Variants in ACSS3 observed in about 807,000 individuals in gnomAD.
ACSS3 encodes the protein acyl-CoA synthetase short chain family member 3, also known as acyl-CoA synthetase short-chain family member 3, mitochondrial.
Under a neutral mutation model 84.2 loss-of-function variants are expected in ACSS3, and 64 were observed. The observed-to-expected ratio is 0.76, with a 90% confidence interval of 0.62 to 0.94. ACSS3 has a LOEUF of 0.94. Ranked by LOEUF, ACSS3 falls within the 40% of genes least tolerant of loss-of-function variation. ACSS3 has a pLI of 0.00. For synonymous variants in ACSS3, 317 were observed against 310.1 expected (o/e 1.02, Z -0.23); for missense variants, 815 against 867.6 (o/e 0.94, Z 0.76).
chr12:81,233,248 A>G, intron 12 of ACSS3, 101 bp from the exon 13 acceptor site: 1 of 1,361,100 alleles, frequency 7.3e-7, no homozygotes. Context: ...AAATGTTCAC[A>G]GTAAATCCAT....
intron 1 of ACSS3, among the ~76,000 whole-genome samples, chr12:81,079,025 C>T (rs1045825220): frequency 3.3e-5 from 5 of 152,044 alleles, no homozygotes; most frequent in African/African-American, 1.2e-4. Flanking sequence ...GAGTCAGGGG[C>T]TGGGTCCGGA....
rs10862275 is a variant in ACSS3, at chr12:81,260,265, T to C, written c.*5343T>C. ...CCAAACAAAAAATGGTTGTCCTAGA[T>C]TGAATTATTGTAAATGAATACTGTT... On this transcript the variant is annotated 3_prime_UTR_variant, in exon 16 of 16. Transcript: ENST00000548058. 27,586 of 152,098 alleles carry C rather than the reference T, an allele frequency of 0.18. 2,687 individuals are homozygous for C. The highest frequency in any genetic ancestry group is 0.22 in the East Asian group (1,157 of 5,172). The allele number at this position is 152,098 out of a possible 1,614,324, so 9.4% of individuals were successfully genotyped here.
At chr12:81,204,112 G>T (rs2032233276) in intron 9 of ACSS3, among the ~76,000 whole-genome samples, 1 of 151,966 alleles carries the variant, frequency 6.6e-6, no homozygotes, top group African/African-American at 2.4e-5. Context: ...TCAGTGCAGT[G>T]CATGGTGGCC....
intron 13 of ACSS3, among the ~76,000 whole-genome samples, chr12:81,244,843 G>A (rs898678118): frequency 6.6e-6 from 1 of 151,958 alleles, no homozygotes; most frequent in African/African-American, 2.4e-5. Flanking sequence ...ATCATGTTCA[G>A]ATAATTCCAA....
In ACSS3 at chr12:81,153,470, G is replaced by T. The variant is rs115862391; in HGVS notation, c.1098+1374G>T. Among the ~76,000 whole-genome samples, 339 of 151,616 alleles carry T rather than the reference G, an allele frequency of 2.2e-3. 1 individual carries two copies. Among genetic ancestry groups the T allele is most frequent in the African/African-American group, 8.0e-3 (329 of 41,368 alleles). The stretch of plus-strand genomic sequence containing the variant: ...TAGTCTGACAAATAATACACTTAAA[G>T]TGCAGATATTATAAGTATATTTTGA... On this transcript the variant is annotated intron_variant, in intron 7 of 15. Coordinates refer to ENST00000548058, the MANE Select transcript of ACSS3 (RefSeq NM_024560.4).
chr12:81,092,792 C>T (rs1027298313), intron 1 of ACSS3, among the ~76,000 whole-genome samples: 5 of 152,058 alleles, frequency 3.3e-5, no homozygotes, highest in Non-Finnish European at 7.4e-5. Flanking sequence ...AACGTTTCAT[C>T]TAGGAATGTG....
chr12:81,213,957 C>CTCTCTCTTTCTTTCTTTCTT (rs1555181707), intron 9 of ACSS3, among the ~76,000 whole-genome samples: 4 of 49,112 alleles, frequency 8.1e-5, no homozygotes, highest in South Asian at 8.6e-4. Flanking sequence ...CTCCCTCTCT[C>CTCTCTCTTTCTTTCTTTCTT]TCTTTCTTTC....
At chr12:81,120,336 T>C (rs1416267798) in intron 2 of ACSS3, among the ~76,000 whole-genome samples, 1 of 152,188 alleles carries the variant, frequency 6.6e-6, no homozygotes, top group Non-Finnish European at 1.5e-5. Flanking sequence ...AAAAAAAATG[T>C]CCTTACAAGT....
chr12:81,079,145 G>A (rs955661703), intron 1 of ACSS3, among the ~76,000 whole-genome samples: 4 of 152,312 alleles, frequency 2.6e-5, no homozygotes, highest in Non-Finnish European at 5.9e-5. Context: ...TATAGGCCAG[G>A]TGATGTTAGA....
intron 7 of ACSS3, among the ~76,000 whole-genome samples, chr12:81,160,462 A>T (rs915152659): frequency 2.6e-5 from 4 of 152,218 alleles, no homozygotes; most frequent in African/African-American, 7.2e-5. Flanking sequence ...ATGGTACAGG[A>T]GTATGGTCGC....
chr12:81,111,401 G>A (rs1883573177), intron 2 of ACSS3, among the ~76,000 whole-genome samples: 1 of 152,184 alleles, frequency 6.6e-6, no homozygotes, highest in Non-Finnish European at 1.5e-5. Context: ...TTTTACTGGA[G>A]CCTTACATCC....
chr12:81,159,190 T>G lies in ACSS3; in HGVS notation c.1098+7094T>G, dbSNP rs1046745684. 3.9e-5 allele frequency among the ~76,000 whole-genome samples: 6 copies of G among 152,168 alleles called. No homozygotes were observed. The South Asian group carries it at 1.0e-3, about 26-fold the overall frequency. ...CTTTTATCAGTGGAATTGGACATAT[T>G]TAAATACAGAACACCTGTATTTAAG... On this transcript the variant is annotated intron_variant, in intron 7 of 15. Transcript: ENST00000548058.
intron 1 of ACSS3, among the ~76,000 whole-genome samples, chr12:81,084,774 G>A (rs1443898931): frequency 1.3e-5 from 2 of 152,204 alleles, no homozygotes; most frequent in Non-Finnish European, 2.9e-5. Context: ...GATAAAAATA[G>A]TGGTCAAGGG....
chr12:81,127,838 G>A (rs923182907), intron 2 of ACSS3, among the ~76,000 whole-genome samples: 2 of 152,060 alleles, frequency 1.3e-5, no homozygotes, highest in Non-Finnish European at 2.9e-5. Flanking sequence ...CTTGCTATTT[G>A]TGAAGCAAGT....
Position 81,240,980 on chromosome 12 carries a change from TC to T in ACSS3, c.1719+7515del, listed in dbSNP as rs1354031301. ...TAGGTATATCTCCCAATGCTATCCCTCCCCCCTCCCCCCACCCCACAACAGT... is the reference window on the plus strand; with the variant it reads ...TAGGTATATCTCCCAATGCTATCCCTCCCCCTCCCCCCACCCCACAACAGT... On this transcript the variant is annotated intron_variant, in intron 13 of 15. Transcript: ENST00000548058. 3.0e-4 allele frequency among the ~76,000 whole-genome samples: 24 copies of T among 81,152 alleles called. No individual in the cohort carries two copies. In the East Asian group the frequency reaches 6.5e-3, roughly 22 times the overall value. The allele number at this position is 81,152 out of a possible 152,430, so 53.2% of individuals were successfully genotyped here.
chr12:81,253,686 T>A lies in ACSS3; in HGVS notation c.1995+16T>A. On this transcript the variant is annotated intron_variant, in intron 15 of 15. Transcript: ENST00000548058. ...GCCATACAAGGTAAATTATCAAAGA[T>A]ATTTATTCCTGGGTTCTAAGATATT... 1.2e-6 allele frequency: 2 copies of A among 1,602,914 alleles called. No homozygotes were observed. The highest frequency in any genetic ancestry group is 1.7e-6 in the Non-Finnish European group (2 of 1,171,860).
chr12:81,178,383 C>G (rs12820595), intron 8 of ACSS3, among the ~76,000 whole-genome samples: 64,296 of 143,374 alleles, frequency 0.45, 15,031 homozygotes, highest in Non-Finnish European at 0.51. Context: ...GTTAATGGGT[C>G]CAGCACACCA....
At chr12:81,220,283 C>G (rs1234406015) in intron 11 of ACSS3, among the ~76,000 whole-genome samples, 2 of 152,024 alleles carry the variant, frequency 1.3e-5, no homozygotes, top group Middle Eastern at 3.4e-3. Context: ...TCAAAAACCA[C>G]AAATTTTGCA....
chr12:81,121,016 C>T (rs1306770141), intron 2 of ACSS3, among the ~76,000 whole-genome samples: 1 of 152,144 alleles, frequency 6.6e-6, no homozygotes, highest in Non-Finnish European at 1.5e-5. Context: ...TTTTTCTTCT[C>T]TTTAAATGTG....
Sources: gnomAD v4.1 joint callset for allele counts (sites outside exome capture counted in the v4.1 genomes callset) on GRCh38, gnomAD v4.1.1 for gene constraint, MANE v1.5 for transcripts, NCBI Gene and HGNC (gene_info 2026-07-23, HGNC 2026-07-21) for gene names.